The following MTUS2 variants were observed in gnomAD, a reference collection of about 807,000 sequenced individuals.
MTUS2 encodes the protein microtubule associated scaffold protein 2, also known as microtubule-associated tumor suppressor candidate 2.
MTUS2 carries 40 observed loss-of-function variants against 114.1 expected under a neutral mutation model. That is an observed-to-expected ratio of 0.35 (90% CI 0.27 to 0.46). MTUS2 has a LOEUF of 0.46. Ranked by LOEUF, MTUS2 falls within the 20% of genes least tolerant of loss-of-function variation. The pLI is 1.00. For missense variants in MTUS2, 1,679 were observed against 1,705.4 expected (o/e 0.98, Z 0.27); for synonymous variants, 688 against 672.0 (o/e 1.02, Z -0.37).
At chr13:29,225,952 T>G (rs988020783) in intron 5 of MTUS2, among the ~76,000 whole-genome samples, 1 of 152,234 alleles carries the variant, frequency 6.6e-6, no homozygotes, top group Non-Finnish European at 1.5e-5. Context: ...TTCAAGCTTA[T>G]AGAACAACAA....
At chr13:28,885,012 A>G (rs999015291) in intron 2 of MTUS2, among the ~76,000 whole-genome samples, 1 of 152,026 alleles carries the variant, frequency 6.6e-6, no homozygotes, top group Non-Finnish European at 1.5e-5. Context: ...GTTTTTTTTA[A>G]GGTAAGGGTC....
chr13:29,319,682 CAA>C (rs1215967117), intron 6 of MTUS2, among the ~76,000 whole-genome samples: 2 of 152,212 alleles, frequency 1.3e-5, no homozygotes, highest in East Asian at 1.9e-4. Flanking sequence ...CCACATGAAA[CAA>C]GAGGAGGGAA....
intron 7 of MTUS2, 92 bp downstream of exon 7, chr13:29,324,803 A>T: frequency 2.1e-6 from 2 of 943,480 alleles, no homozygotes; most frequent in Admixed American, 4.3e-5. Flanking sequence ...ATGCCAACCC[A>T]TGTGATTTAC....
chr13:28,845,302 A>G (rs891511429), intron 2 of MTUS2, among the ~76,000 whole-genome samples: 1 of 152,186 alleles, frequency 6.6e-6, no homozygotes, highest in Non-Finnish European at 1.5e-5. Flanking sequence ...CTAGAATGTA[A>G]ACTTCACAAG....
Position 29,497,448 on chromosome 13 carries a change from T to C in MTUS2, c.3678+112T>C, listed in dbSNP as rs529486054. On this transcript the variant is annotated intron_variant, in intron 13 of 15. Transcript: ENST00000612955. ...CAAGGCCTCTCTGTGAATCCGCTGCTGAAGTGACAGCTGGTCACGACCTCC... is the reference window on the plus strand; with the variant it reads ...CAAGGCCTCTCTGTGAATCCGCTGCCGAAGTGACAGCTGGTCACGACCTCC... 7.2e-4 allele frequency: 638 copies of C among 887,590 alleles called. 7 individuals are homozygous for C. The highest frequency in any genetic ancestry group is 4.1e-3 in the Middle Eastern group (12 of 2,938). The allele number at this position is 887,590 out of a possible 1,614,324, so 55.0% of individuals were successfully genotyped here. A position where few individuals can be genotyped will look rare whatever the true frequency, so the allele number is the denominator to read the frequency against.
At chr13:28,853,792 C>T (rs1410390557) in intron 2 of MTUS2, among the ~76,000 whole-genome samples, 1 of 152,092 alleles carries the variant, frequency 6.6e-6, no homozygotes, top group African/African-American at 2.4e-5. Context: ...TTGCCTTAGC[C>T]AAATAAAAAC....
At chr13:29,108,527 G>A (rs992947485) in intron 5 of MTUS2, among the ~76,000 whole-genome samples, 3 of 152,106 alleles carry the variant, frequency 2.0e-5, no homozygotes, top group South Asian at 2.1e-4. Flanking sequence ...ACCCTTTCCC[G>A]ATTCTACATT....
intron 9 of MTUS2, among the ~76,000 whole-genome samples, chr13:29,451,840 C>T (rs935004058): frequency 6.6e-5 from 10 of 152,156 alleles, no homozygotes; most frequent in Admixed American, 5.2e-4. Flanking sequence ...CCACCCGCCT[C>T]AGCCTCCCAA....
chr13:29,149,716 C>T (rs1165957523), intron 5 of MTUS2, among the ~76,000 whole-genome samples: 1 of 152,074 alleles, frequency 6.6e-6, no homozygotes, highest in East Asian at 1.9e-4. Context: ...AAGAAGGGGC[C>T]TGGTTTCAAT....
At chr13:29,199,120 G>C (rs1894828673) in intron 5 of MTUS2, among the ~76,000 whole-genome samples, 1 of 152,098 alleles carries the variant, frequency 6.6e-6, no homozygotes, top group Non-Finnish European at 1.5e-5. Context: ...AAACAAAAAA[G>C]AGCCATATAG....
intron 8 of MTUS2, among the ~76,000 whole-genome samples, chr13:29,397,947 T>C (rs185851602): frequency 6.6e-6 from 1 of 152,234 alleles, no homozygotes; most frequent in African/African-American, 2.4e-5. Flanking sequence ...ACATAATTGT[T>C]GTATTTTGTT....
intron 9 of MTUS2, among the ~76,000 whole-genome samples, chr13:29,465,162 G>A (rs757376721): frequency 1.1e-4 from 17 of 152,348 alleles, no homozygotes; most frequent in Middle Eastern, 3.4e-3. Flanking sequence ...CATTAGCTGT[G>A]AAGCCATCAA....
At chr13:29,311,614 T>C (rs946871962) in intron 6 of MTUS2, among the ~76,000 whole-genome samples, 4 of 152,198 alleles carry the variant, frequency 2.6e-5, no homozygotes, top group East Asian at 1.9e-4. Flanking sequence ...TTAATACTTA[T>C]GTACCTTGGA....
intron 5 of MTUS2, among the ~76,000 whole-genome samples, chr13:29,189,235 A>G (rs1566055939): frequency 6.6e-6 from 1 of 152,258 alleles, no homozygotes; most frequent in African/African-American, 2.4e-5. Context: ...GACTTTCACA[A>G]ACATTAGGTT....
chr13:28,835,616 G>A (rs1356146550), intron 1 of MTUS2, among the ~76,000 whole-genome samples: 4 of 152,164 alleles, frequency 2.6e-5, no homozygotes, highest in African/African-American at 9.7e-5. Context: ...AAAAACCATT[G>A]AATTGCACCT....
chr13:29,109,343 T>C (rs1890793910), intron 5 of MTUS2, among the ~76,000 whole-genome samples: 1 of 152,202 alleles, frequency 6.6e-6, no homozygotes, highest in Non-Finnish European at 1.5e-5. Flanking sequence ...TTAAGATCTA[T>C]CTTCTTTGCA....
Position 29,456,994 on chromosome 13 carries a change from A to C in MTUS2, c.3184+16945A>C, listed in dbSNP as rs1027697527. On this transcript the variant is annotated intron_variant, in intron 9 of 15. Coordinates refer to ENST00000612955, the MANE Select transcript of MTUS2 (RefSeq NM_001033602.4). ...CTACTAAAAATATATTAAAAAAAAA[A>C]ATTAGCCAGGCATGGTGGCAGGCAC... Among the ~76,000 whole-genome samples, 3 of 151,838 alleles carry C rather than the reference A, an allele frequency of 2.0e-5. No individual in the cohort carries two copies. The South Asian group carries it at 6.3e-4, about 32-fold the overall frequency.
chr13:29,428,443 T>A (rs1428682188), intron 8 of MTUS2, among the ~76,000 whole-genome samples: 6 of 152,232 alleles, frequency 3.9e-5, no homozygotes, highest in Admixed American at 3.9e-4. Context: ...AGGGGAGGGC[T>A]GGGAGCGGCC....
chr13:29,256,353 C>A (rs904792650), intron 5 of MTUS2, among the ~76,000 whole-genome samples: 1 of 152,126 alleles, frequency 6.6e-6, no homozygotes, highest in Non-Finnish European at 1.5e-5. Flanking sequence ...ATCAGGGAAG[C>A]GCAGTGGTCA....
Sources: allele counts gnomAD v4.1 joint callset (sites outside exome capture counted in the v4.1 genomes callset), GRCh38; gene constraint gnomAD v4.1.1; transcripts MANE v1.5; gene names NCBI Gene and HGNC (gene_info 2026-07-23, HGNC 2026-07-21).